Variants in PTPRD observed in about 807,000 individuals in gnomAD.
PTPRD encodes receptor-type tyrosine-protein phosphatase delta.
PTPRD carries 34 observed loss-of-function variants against 214.5 expected under a neutral mutation model. The observed-to-expected ratio is 0.16, with a 90% CI of 0.12 to 0.21. The LOEUF (loss-of-function observed/expected upper bound fraction) is 0.21, where lower values mean the gene tolerates loss of function less well. Among genes scored for constraint, PTPRD ranks in the 10% least tolerant of loss-of-function variants. PTPRD has a pLI of 1.00. For synonymous variants in PTPRD, 1,128 were observed against 845.7 expected (o/e 1.33, Z -5.79); for missense variants, 2,545 against 2,398.7 (o/e 1.06, Z -1.27).
At chr9:9,282,174 G>A (rs1025015811) in intron 9 of PTPRD, among the ~76,000 whole-genome samples, 3 of 151,174 alleles carry the variant, frequency 2.0e-5, no homozygotes, top group African/African-American at 4.8e-5. Context: ...CTGTAATGGT[G>A]GACACATGCC....
At chr9:10,068,309 T>C (rs1189277156) in intron 3 of PTPRD, among the ~76,000 whole-genome samples, 2 of 151,902 alleles carry the variant, frequency 1.3e-5, no homozygotes, top group African/African-American at 4.8e-5. Context: ...CTTTTCATCA[T>C]GAAAATGAAT....
chr9:9,181,738 T>C (rs956078707), intron 10 of PTPRD, among the ~76,000 whole-genome samples: 12 of 152,040 alleles, frequency 7.9e-5, no homozygotes, highest in African/African-American at 2.7e-4. Flanking sequence ...CTCCTTATAA[T>C]AGAATTGGTC....
At chr9:8,674,221 A>G (rs1485704434) in intron 12 of PTPRD, among the ~76,000 whole-genome samples, 2 of 152,166 alleles carry the variant, frequency 1.3e-5, no homozygotes, top group African/African-American at 4.8e-5. Flanking sequence ...GCACTTTGCG[A>G]GGCCGAGGCA....
At chr9:10,100,588 G>C (rs1463838734) in intron 3 of PTPRD, among the ~76,000 whole-genome samples, 1 of 151,638 alleles carries the variant, frequency 6.6e-6, no homozygotes, top group Non-Finnish European at 1.5e-5. Context: ...AATTTCATAG[G>C]AGTTTTATTA....
intron 11 of PTPRD, among the ~76,000 whole-genome samples, chr9:8,865,285 A>C (rs993411279): frequency 2.0e-5 from 3 of 152,172 alleles, no homozygotes; most frequent in Non-Finnish European, 4.4e-5. Context: ...GGATCATTTA[A>C]TTTCTACTTG....
At chr9:9,681,595 C>A (rs1347224430) in intron 7 of PTPRD, among the ~76,000 whole-genome samples, 2 of 151,764 alleles carry the variant, frequency 1.3e-5, no homozygotes, top group African/African-American at 4.8e-5. Context: ...ACTTTGATAT[C>A]TCTTTTAATC....
At chr9:10,085,281 G>A (rs141257183) in intron 3 of PTPRD, among the ~76,000 whole-genome samples, 27 of 151,804 alleles carry the variant, frequency 1.8e-4, no homozygotes, top group African/African-American at 6.5e-4. Flanking sequence ...CTACATCAGT[G>A]GGGCCAAGAT....
intron 10 of PTPRD, among the ~76,000 whole-genome samples, chr9:9,182,130 G>A (rs1449969277): frequency 6.6e-6 from 1 of 152,020 alleles, no homozygotes; most frequent in East Asian, 1.9e-4. Flanking sequence ...AACCCCCATG[G>A]AAACAGGCTG....
chr9:9,902,904 G>T (rs373649087), intron 5 of PTPRD, among the ~76,000 whole-genome samples: 1 of 152,016 alleles, frequency 6.6e-6, no homozygotes, highest in African/African-American at 2.4e-5. Context: ...TTTTTTGTTT[G>T]TGTAATATCA....
chr9:9,762,976 T>C (rs1425406973), intron 6 of PTPRD, among the ~76,000 whole-genome samples: 2 of 152,202 alleles, frequency 1.3e-5, no homozygotes, highest in Non-Finnish European at 2.9e-5. Context: ...TCTTGGCTTG[T>C]TGGTGGTTGC....
At chr9:9,547,652 T>C (rs1203810989) in intron 8 of PTPRD, among the ~76,000 whole-genome samples, 1 of 152,098 alleles carries the variant, frequency 6.6e-6, no homozygotes, top group Non-Finnish European at 1.5e-5. Flanking sequence ...GACAAGGATA[T>C]TTTGTACATC....
At chr9:8,324,571 G>A (rs953411538) in intron 44 of PTPRD, among the ~76,000 whole-genome samples, 2 of 152,168 alleles carry the variant, frequency 1.3e-5, no homozygotes, top group Non-Finnish European at 2.9e-5. Flanking sequence ...ATGTGTGCAT[G>A]TGTCTTTGTA....
chr9:9,775,177 A>T (rs1215518997), intron 5 of PTPRD, among the ~76,000 whole-genome samples: 1 of 152,172 alleles, frequency 6.6e-6, no homozygotes, highest in Non-Finnish European at 1.5e-5. Context: ...TTAATAATCG[A>T]ATCCCATTTT....
chr9:9,542,207 A>G (rs538604396), intron 8 of PTPRD, among the ~76,000 whole-genome samples: 5 of 151,796 alleles, frequency 3.3e-5, no homozygotes, highest in Non-Finnish European at 5.9e-5. Flanking sequence ...TGGAGACAGT[A>G]TAAGAACAAT....
chr9:9,507,164 T>C (rs781675569), intron 8 of PTPRD, among the ~76,000 whole-genome samples: 42 of 151,410 alleles, frequency 2.8e-4, no homozygotes, highest in Non-Finnish European at 4.4e-4. Flanking sequence ...ATGATTCTAA[T>C]ATAAAATTAA....
intron 3 of PTPRD, among the ~76,000 whole-genome samples, chr9:10,275,325 T>G (rs947966821): frequency 1.3e-5 from 2 of 152,142 alleles, no homozygotes; most frequent in Non-Finnish European, 2.9e-5. Flanking sequence ...AGGTCCAGCA[T>G]CTGAGATGTG....
At chr9:10,124,428 C>G (rs961264333) in intron 3 of PTPRD, among the ~76,000 whole-genome samples, 1 of 152,116 alleles carries the variant, frequency 6.6e-6, no homozygotes, top group African/African-American at 2.4e-5. Context: ...ACACACCATG[C>G]GTATTCACCC....
chr9:8,517,791 C>T lies in PTPRD; in HGVS notation c.1543+57G>A, dbSNP rs2138436910. On this transcript the variant is annotated intron_variant, in intron 21 of 45. Transcript: ENST00000381196. ...GTTCCTTCTTTGTTTTTGTCCTTCT[C>T]ACCTCTTTGCACCAGCCCTTCCCTC... 6.9e-6 allele frequency: 10 copies of T among 1,444,134 alleles called. No homozygotes were observed. In the South Asian group the frequency reaches 1.3e-4, roughly 19 times the overall value. The allele number at this position is 1,444,134 out of a possible 1,614,324, so 89.5% of individuals were successfully genotyped here. A position where few individuals can be genotyped will look rare whatever the true frequency, so the allele number is the denominator to read the frequency against.
At chr9:9,060,752 T>G (rs958067039) in intron 10 of PTPRD, among the ~76,000 whole-genome samples, 1 of 152,098 alleles carries the variant, frequency 6.6e-6, no homozygotes, top group Non-Finnish European at 1.5e-5. Flanking sequence ...ATTCACCGAG[T>G]GTCGTAACCT....
Sources: allele counts gnomAD v4.1 joint callset (sites outside exome capture counted in the v4.1 genomes callset), GRCh38; gene constraint gnomAD v4.1.1; transcripts MANE v1.5; gene names NCBI Gene and HGNC (gene_info 2026-07-23, HGNC 2026-07-21).